The following SLC5A1 variants were observed in gnomAD, a reference collection of about 807,000 sequenced individuals.
SLC5A1 encodes sodium/glucose cotransporter 1.
Under a neutral mutation model 73.5 loss-of-function variants are expected in SLC5A1, and 42 were observed. The ratio of observed to expected loss-of-function variants is 0.57; its 90% CI spans 0.45 to 0.74. The LOEUF (loss-of-function observed/expected upper bound fraction) is 0.74, where lower values mean the gene tolerates loss of function less well. SLC5A1 is among the 30% of genes least tolerant of loss of function. The pLI, the probability that SLC5A1 is intolerant of heterozygous loss-of-function variation, is 0.00. For synonymous variants in SLC5A1, 300 were observed against 317.4 expected (o/e 0.95, Z 0.58); for missense variants, 634 against 855.4 (o/e 0.74, Z 3.23).
intron 7 of SLC5A1, among the ~76,000 whole-genome samples, chr22:32,083,806 A>G (rs11913162): frequency 0.029 from 4,467 of 152,220 alleles, 196 homozygotes; most frequent in African/African-American, 0.096. Flanking sequence ...TATCCTGCAA[A>G]AACTTGTATT....
At chr22:32,074,987 C>T (rs1438734158) in intron 5 of SLC5A1, among the ~76,000 whole-genome samples, 4 of 151,490 alleles carry the variant, frequency 2.6e-5, no homozygotes, top group African/African-American at 7.3e-5. Flanking sequence ...ACCTTAAACT[C>T]GTGGGCTCAA....
At chr22:32,091,909 T>A in intron 11 of SLC5A1, 147 bp downstream of exon 11, 1 of 618,450 alleles carries the variant, frequency 1.6e-6, no homozygotes, top group Non-Finnish European at 2.8e-6. Flanking sequence ...TTTGGTGGCA[T>A]TTAACTTTAT....
chr22:32,102,677 T>C (rs998344588), intron 13 of SLC5A1, among the ~76,000 whole-genome samples: 2 of 152,202 alleles, frequency 1.3e-5, no homozygotes, highest in Non-Finnish European at 2.9e-5. Context: ...TTCATTCTAA[T>C]TGTATTTTTG....
chr22:32,061,444 G>C (rs536130059), intron 2 of SLC5A1, among the ~76,000 whole-genome samples: 1 of 152,094 alleles, frequency 6.6e-6, no homozygotes, highest in African/African-American at 2.4e-5. Flanking sequence ...AGGGAGAAAT[G>C]ATTTTGCCTG....
At chr22:32,057,607 T>A (rs1347669631) in intron 2 of SLC5A1, among the ~76,000 whole-genome samples, 1 of 152,186 alleles carries the variant, frequency 6.6e-6, no homozygotes, top group East Asian at 1.9e-4. Context: ...ATCCTGAGTG[T>A]GCACATGCTG....
chr22:32,054,944 G>A (rs2093949634), intron 2 of SLC5A1, among the ~76,000 whole-genome samples: 1 of 152,124 alleles, frequency 6.6e-6, no homozygotes, highest in Admixed American at 6.5e-5. Flanking sequence ...CAAAGTGCTG[G>A]GATTACAGGT....
chr22:32,072,486 A>C (rs948145764), intron 5 of SLC5A1, among the ~76,000 whole-genome samples: 1 of 152,120 alleles, frequency 6.6e-6, no homozygotes, highest in Non-Finnish European at 1.5e-5. Flanking sequence ...GGTTGATTTC[A>C]TATCTTTACT....
intron 12 of SLC5A1, among the ~76,000 whole-genome samples, chr22:32,100,520 C>T (rs758767704): frequency 6.6e-6 from 1 of 151,908 alleles, no homozygotes; most frequent in Non-Finnish European, 1.5e-5. Context: ...TACTTCTGTA[C>T]CTAATTTGTT....
rs964667047 is a variant in SLC5A1, at chr22:32,111,225, A to G, written c.*1012A>G. The G allele has an allele frequency of 2.6e-5, 4 of 152,150 alleles. No individual in the cohort carries two copies. Among genetic ancestry groups the G allele is most frequent in the African/African-American group, 9.7e-5 (4 of 41,432 alleles). The allele number at this position is 152,150 out of a possible 1,614,324, so 9.4% of individuals were successfully genotyped here. ...ATTTTCTCACAGTTCTAGAGGCTAGAAGTTGGAGGCCAAGATGTCAGCAGG... is the reference window on the plus strand; with the variant it reads ...ATTTTCTCACAGTTCTAGAGGCTAGGAGTTGGAGGCCAAGATGTCAGCAGG... On this transcript the variant is annotated 3_prime_UTR_variant, in exon 15 of 15. Coordinates refer to ENST00000266088, the MANE Select transcript of SLC5A1 (RefSeq NM_000343.4).
intron 9 of SLC5A1, among the ~76,000 whole-genome samples, chr22:32,085,786 A>G (rs1368633242): frequency 2.0e-5 from 3 of 151,582 alleles, no homozygotes; most frequent in Non-Finnish European, 4.4e-5. Context: ...GGAGAGCTGC[A>G]CTCCTGAGGA....
intron 13 of SLC5A1, 130 bp from the exon 14 acceptor site, chr22:32,104,656 G>A: frequency 1.4e-6 from 1 of 719,946 alleles, no homozygotes; most frequent in Non-Finnish European, 2.5e-6. Context: ...GAATCGTTGT[G>A]TATGTTCTTC....
intron 11 of SLC5A1, 62 bp from the exon 12 acceptor site, chr22:32,099,121 T>C (rs866806508): frequency 4.6e-5 from 21 of 460,426 alleles, no homozygotes; most frequent in South Asian, 3.5e-4. Flanking sequence ...TATATATATA[T>C]ATATATATAT....
intron 11 of SLC5A1, among the ~76,000 whole-genome samples, chr22:32,097,607 G>T (rs2094028359): frequency 6.6e-6 from 1 of 152,102 alleles, no homozygotes; most frequent in African/African-American, 2.4e-5. Context: ...AAATCATCTT[G>T]TGTAGTGTTT....
intron 2 of SLC5A1, chr22:32,059,473 C>A (rs1480410668): frequency 1.1e-5 from 5 of 448,110 alleles, no homozygotes; most frequent in African/African-American, 2.1e-5. Context: ...CCAGGAAAAA[C>A]GAAAATGTCA....
intron 2 of SLC5A1, among the ~76,000 whole-genome samples, chr22:32,063,611 A>G (rs998562369): frequency 2.6e-5 from 4 of 152,098 alleles, no homozygotes; most frequent in Admixed American, 6.5e-5. Flanking sequence ...AAGTCTCTGA[A>G]TAGGTCAGTG....
rs1336029161 is a variant in SLC5A1, at chr22:32,060,181, A to G, written c.208-6754A>G. Among the ~76,000 whole-genome samples the G allele has an allele frequency of 5.5e-5, 7 of 126,952 alleles. 1 individual carries two copies. Among genetic ancestry groups the G allele is most frequent in the Non-Finnish European group, 1.1e-4 (6 of 55,764 alleles). The allele number at this position is 126,952 out of a possible 152,430, so 83.3% of individuals were successfully genotyped here. On this transcript the variant is annotated intron_variant, in intron 2 of 14. Coordinates refer to ENST00000266088, the MANE Select transcript of SLC5A1 (RefSeq NM_000343.4). ...CACACACACACACACACACACACACACACACATATATATATATATTTTTTT... is the reference window on the plus strand; with the variant it reads ...CACACACACACACACACACACACACGCACACATATATATATATATTTTTTT...
chr22:32,050,934 G>A (rs77319954), intron 2 of SLC5A1, among the ~76,000 whole-genome samples: 1 of 152,200 alleles, frequency 6.6e-6, no homozygotes. Flanking sequence ...CCCTTTTTAT[G>A]TGGCACCAGG....
At chr22:32,084,094 G>A (rs915629545) in intron 7 of SLC5A1, among the ~76,000 whole-genome samples, 2 of 152,150 alleles carry the variant, frequency 1.3e-5, no homozygotes, top group African/African-American at 2.4e-5. Flanking sequence ...GACAGCAGAG[G>A]GTGAGGGAAA....
chr22:32,067,105 C>A, intron 3 of SLC5A1, 66 bp downstream of exon 3: 1 of 1,292,394 alleles, frequency 7.7e-7, no homozygotes, highest in Non-Finnish European at 1.1e-6. Flanking sequence ...CCAGTTCAAT[C>A]TATGCTCAGA....
Sources: gnomAD v4.1 joint callset for allele counts (sites outside exome capture counted in the v4.1 genomes callset) on GRCh38, gnomAD v4.1.1 for gene constraint, MANE v1.5 for transcripts, NCBI Gene and HGNC (gene_info 2026-07-23, HGNC 2026-07-21) for gene names.